Variants in CDH2 observed in about 807,000 individuals in gnomAD.
The protein encoded by CDH2 is cadherin 2.
CDH2 carries 17 observed loss-of-function variants against 92.0 expected under a neutral mutation model. The ratio of observed to expected loss-of-function variants is 0.18; its 90% CI spans 0.13 to 0.28. The LOEUF (loss-of-function observed/expected upper bound fraction) is 0.28. CDH2 is among the 10% of genes least tolerant of loss of function. The probability of loss-of-function intolerance (pLI) is 1.00; values close to 1 mark genes in which losing one functional copy is unlikely to be tolerated. For synonymous variants in CDH2, 419 were observed against 415.9 expected, an observed-to-expected ratio of 1.01 and a Z score of -0.09; for missense variants, 862 against 1,133.1, an observed-to-expected ratio of 0.76 and a Z score of 3.44.
chr18:27,934,028 TCA>T (rs1908965211), intron 6 of CDH2, among the ~76,000 whole-genome samples: 1 of 152,224 alleles, frequency 6.6e-6, no homozygotes, highest in African/African-American at 2.4e-5. Context: ...AGTTTTTCTC[TCA>T]CAACTGTGAA....
At chr18:28,011,628 G>A (rs1274939093) in intron 4 of CDH2, among the ~76,000 whole-genome samples, 2 of 152,166 alleles carry the variant, frequency 1.3e-5, no homozygotes, top group Admixed American at 1.3e-4. Context: ...TCCACAGTGT[G>A]CAGGACCTAC....
chr18:27,997,016 T>G (rs1486732833), intron 7 of CDH2, among the ~76,000 whole-genome samples: 1 of 152,230 alleles, frequency 6.6e-6, no homozygotes, highest in African/African-American at 2.4e-5. Context: ...TTTCCCTTTT[T>G]AAAGCTTAAT....
At chr18:27,952,388 G>C (rs201161849) in intron 15 of CDH2, 29 bp from the exon 16 acceptor site, 1 of 1,568,966 alleles carries the variant, frequency 6.4e-7, no homozygotes, top group South Asian at 1.1e-5. Flanking sequence ...AAGAATGAAA[G>C]AATTAAGAGA....
In CDH2 at chr18:27,993,482, G is replaced by A; in HGVS notation, c.1158+18C>T. 2 of 1,607,940 alleles carry A rather than the reference G, an allele frequency of 1.2e-6. No homozygotes were observed. The highest frequency in any genetic ancestry group is 1.7e-6 in the Non-Finnish European group (2 of 1,177,330). On this transcript the variant is annotated intron_variant, in intron 8 of 15. Transcript: ENST00000269141. The stretch of plus-strand genomic sequence containing the variant: ...GAACTACAGACCCAAAGTTGTGTGA[G>A]TGACAGGCTGTACTCACCGTCATGG...
In CDH2 at chr18:27,993,608, T is replaced by G; in HGVS notation, c.1050A>C (p.Gln350His). 1 of 1,613,194 alleles carries G rather than the reference T, an allele frequency of 6.2e-7. No individual in the cohort carries two copies. Among genetic ancestry groups the G allele is most frequent in the Non-Finnish European group, 8.5e-7 (1 of 1,179,132 alleles). ...TGGGATTGCCTTCCATGTCTGTAGC[T>G]TGAATTATTAACGTATACTGTTGCA... ...EKVQQYTLII[Q>H]ATDMEGNPTY... Residue 350 changes from glutamine (Q) to histidine (H), a missense_variant, in exon 8 of 16, where the codon CAA becomes CAC. Gln to His is a conservative substitution (Grantham distance 24). Coordinates refer to ENST00000269141, the MANE Select transcript of CDH2 (RefSeq NM_001792.5).
At position 28,043,890 on chromosome 18, in the gene CDH2, A is replaced by ATTTTTTTTTTTTT. The variant is rs67532914; in HGVS notation, c.173-29994_173-29982dup. Among the ~76,000 whole-genome samples the ATTTTTTTTTTTTT allele has an allele frequency of 4.4e-4, 40 of 91,464 alleles. 6 individuals are homozygous for ATTTTTTTTTTTTT. The highest frequency in any genetic ancestry group is 7.6e-4 in the Non-Finnish European group (35 of 46,004). The allele number at this position is 91,464 out of a possible 152,430, so 60.0% of individuals were successfully genotyped here. A position where few individuals can be genotyped will look rare whatever the true frequency, so the allele number is the denominator to read the frequency against. ...AGTCTCATCTTTCTCAGAATCTCGG[A>ATTTTTTTTTTTTT]TTTTTTTTTTTTTTTTTTTTTTTTT... On this transcript the variant is annotated intron_variant, in intron 2 of 15. Coordinates refer to ENST00000269141, the MANE Select transcript of CDH2 (RefSeq NM_001792.5).
chr18:28,157,071 T>C (rs1325687408), intron 1 of CDH2, among the ~76,000 whole-genome samples: 1 of 152,190 alleles, frequency 6.6e-6, no homozygotes, highest in Non-Finnish European at 1.5e-5. Flanking sequence ...ACAGATTTAA[T>C]TGGCAGGTAA....
chr18:27,939,518 C>T (rs930116966), intron 6 of CDH2, among the ~76,000 whole-genome samples: 13 of 152,082 alleles, frequency 8.5e-5, no homozygotes, highest in African/African-American at 3.1e-4. Context: ...GGCCTGATGT[C>T]GAACTTTCCC....
intron 11 of CDH2, 86 bp downstream of exon 11, chr18:27,988,438 G>A: frequency 8.3e-7 from 1 of 1,204,216 alleles, no homozygotes; most frequent in Admixed American, 2.2e-5. Context: ...AGGCAATTGA[G>A]TTTTGTAGAA....
intron 2 of CDH2, among the ~76,000 whole-genome samples, chr18:28,064,560 A>T (rs892185324): frequency 1.3e-5 from 2 of 152,142 alleles, no homozygotes; most frequent in Non-Finnish European, 2.9e-5. Flanking sequence ...AATAAAAAAT[A>T]AAATAGGTAT....
chr18:27,940,102 CT>C (rs1909102935), intron 6 of CDH2, among the ~76,000 whole-genome samples: 1 of 152,192 alleles, frequency 6.6e-6, no homozygotes, highest in Non-Finnish European at 1.5e-5. Context: ...AATCTGGCTT[CT>C]TTCCCTTTCT....
At chr18:28,057,836 G>A (rs1490871762) in intron 2 of CDH2, among the ~76,000 whole-genome samples, 2 of 152,138 alleles carry the variant, frequency 1.3e-5, no homozygotes, top group Non-Finnish European at 2.9e-5. Context: ...TGAAGAACCT[G>A]AACAGTTGCC....
rs547910140 is a variant in CDH2, at chr18:27,969,240, T to C, written c.2350-5719A>G. ...TACAAATAAAATAACTTGGGGACTT[T>C]CAGTATACAGATGAAGGATCTCTGT... On this transcript the variant is annotated intron_variant, in intron 14 of 15. Coordinates refer to ENST00000269141, the MANE Select transcript of CDH2 (RefSeq NM_001792.5). Among the ~76,000 whole-genome samples the C allele has an allele frequency of 2.0e-5, 3 of 152,344 alleles. No homozygotes were observed. In the South Asian group the frequency reaches 6.2e-4, roughly 32 times the overall value.
chr18:28,153,415 C>A (rs2016156434), intron 1 of CDH2, among the ~76,000 whole-genome samples: 1 of 152,198 alleles, frequency 6.6e-6, no homozygotes, highest in Non-Finnish European at 1.5e-5. Context: ...GTCATTCCTT[C>A]CAGCTTTATG....
At chr18:28,158,616 A>G (rs138881963) in intron 1 of CDH2, among the ~76,000 whole-genome samples, 43 of 152,272 alleles carry the variant, frequency 2.8e-4, no homozygotes, top group Admixed American at 2.5e-3. Context: ...TTCTTAAAGT[A>G]TGGTCCGAGG....
At chr18:28,042,557 T>C (rs1287344789) in intron 2 of CDH2, among the ~76,000 whole-genome samples, 1 of 152,208 alleles carries the variant, frequency 6.6e-6, no homozygotes, top group Non-Finnish European at 1.5e-5. Context: ...TATTCATTCA[T>C]TCAACAAGCA....
At chr18:28,086,085 A>G (rs1242268852) in intron 2 of CDH2, among the ~76,000 whole-genome samples, 1 of 152,172 alleles carries the variant, frequency 6.6e-6, no homozygotes, top group Non-Finnish European at 1.5e-5. Context: ...TTCGCCTAAC[A>G]CAAGGGAGAA....
intron 2 of CDH2, among the ~76,000 whole-genome samples, chr18:28,053,296 A>T (rs2014228370): frequency 6.6e-6 from 1 of 152,180 alleles, no homozygotes; most frequent in Admixed American, 6.5e-5. Context: ...GCAAGTTAGT[A>T]AAACCTTAAT....
intron 2 of CDH2, among the ~76,000 whole-genome samples, chr18:28,112,224 CTG>C (rs970778847): frequency 6.6e-6 from 1 of 152,156 alleles, no homozygotes; most frequent in African/African-American, 2.4e-5. Flanking sequence ...ATGCAAGACT[CTG>C]TGTCTCCAGA....
Sources: allele counts gnomAD v4.1 joint callset (sites outside exome capture counted in the v4.1 genomes callset), GRCh38; gene constraint gnomAD v4.1.1; transcripts MANE v1.5; gene names NCBI Gene and HGNC (gene_info 2026-07-23, HGNC 2026-07-21).